MAST4: variants seen among roughly 807,000 people sequenced by gnomAD.
The protein encoded by MAST4 is microtubule-associated serine/threonine-protein kinase 4.
In MAST4, 89 loss-of-function variants were observed where a neutral mutation model predicts 162.7. The ratio of observed to expected loss-of-function variants is 0.55; its 90% CI spans 0.46 to 0.65. The LOEUF (loss-of-function observed/expected upper bound fraction) is 0.65. Among genes scored for constraint, MAST4 ranks in the 30% least tolerant of loss-of-function variants. The pLI, the probability that MAST4 is intolerant of heterozygous loss-of-function variation, is 0.00. For synonymous variants in MAST4, 1,479 were observed against 1,361.1 expected, an observed-to-expected ratio of 1.09 and a Z score of -1.91; for missense variants, 3,153 against 3,374.0, an observed-to-expected ratio of 0.93 and a Z score of 1.62.
intron 1 of MAST4, among the ~76,000 whole-genome samples, chr5:66,641,534 T>C (rs1367541602): frequency 6.6e-6 from 1 of 152,206 alleles, no homozygotes; most frequent in African/African-American, 2.4e-5. Context: ...CCAGTGGCAG[T>C]GAGCATCCCT....
At chr5:66,808,885 T>A (rs1169104739) in intron 3 of MAST4, among the ~76,000 whole-genome samples, 1 of 152,174 alleles carries the variant, frequency 6.6e-6, no homozygotes, top group East Asian at 1.9e-4. Flanking sequence ...ACCAGCCTTT[T>A]CCCTGCCTTC....
rs536617613 is a variant in MAST4 at position 66,955,490 on chromosome 5, T to C, written c.674+55508T>C. Among the ~76,000 whole-genome samples, 9 of 152,232 alleles carry C rather than the reference T, an allele frequency of 5.9e-5. No individual in the cohort carries two copies. In the South Asian group the frequency reaches 1.5e-3, roughly 25 times the overall value. ...AGCTTTAGAGGCCTGGTGAGACTCT[T>C]CTTCAATTTTTTATAAGACAAAATT... On this transcript the variant is annotated intron_variant, in intron 4 of 28. Transcript: ENST00000403625.
At chr5:66,815,540 A>G (rs929208477) in intron 3 of MAST4, among the ~76,000 whole-genome samples, 31 of 152,226 alleles carry the variant, frequency 2.0e-4, no homozygotes, top group African/African-American at 7.5e-4. Context: ...GGCATTCACC[A>G]GGCATCCTGG....
intron 2 of MAST4, among the ~76,000 whole-genome samples, chr5:66,780,964 C>T (rs1259218124): frequency 6.6e-6 from 1 of 152,258 alleles, no homozygotes; most frequent in Non-Finnish European, 1.5e-5. Context: ...CCTCTCAATA[C>T]AATATCTCAC....
intron 1 of MAST4, among the ~76,000 whole-genome samples, chr5:66,623,434 T>C (rs1744205363): frequency 6.6e-6 from 1 of 152,190 alleles, no homozygotes; most frequent in Non-Finnish European, 1.5e-5. Context: ...ATTTTAAGGA[T>C]CATACATCAT....
intron 14 of MAST4, among the ~76,000 whole-genome samples, chr5:67,121,634 G>A (rs543651544): frequency 1.3e-5 from 2 of 150,654 alleles, no homozygotes; most frequent in East Asian, 2.0e-4. Context: ...ACTGTCTCGG[G>A]CCACACATAA....
intron 3 of MAST4, among the ~76,000 whole-genome samples, chr5:66,863,512 T>C: frequency 6.6e-6 from 1 of 152,088 alleles, no homozygotes; most frequent in East Asian, 1.9e-4. Context: ...TCCTCCTTGT[T>C]TCCCTCTCTC....
intron 5 of MAST4, among the ~76,000 whole-genome samples, chr5:67,080,326 A>G (rs564855377): frequency 5.1e-4 from 78 of 152,298 alleles, no homozygotes; most frequent in African/African-American, 1.9e-3. Flanking sequence ...AGACCCTGTC[A>G]TGTTCTTTAA....
chr5:66,873,732 T>A (rs1761101059), intron 3 of MAST4, among the ~76,000 whole-genome samples: 1 of 152,166 alleles, frequency 6.6e-6, no homozygotes, highest in Admixed American at 6.5e-5. Flanking sequence ...AATTATGGAA[T>A]TGTTGCATTT....
At chr5:66,809,783 T>C (rs892528804) in intron 3 of MAST4, among the ~76,000 whole-genome samples, 2 of 152,204 alleles carry the variant, frequency 1.3e-5, no homozygotes, top group African/African-American at 4.8e-5. Flanking sequence ...GTCGCCAGGC[T>C]GGAGTGCAGT....
intron 4 of MAST4, among the ~76,000 whole-genome samples, chr5:66,941,026 C>T (rs1743304078): frequency 6.6e-6 from 1 of 152,048 alleles, no homozygotes; most frequent in Non-Finnish European, 1.5e-5. Context: ...ATCTTTTTTT[C>T]TGAGCACTAG....
intron 3 of MAST4, among the ~76,000 whole-genome samples, chr5:66,837,330 T>C (rs1758049096): frequency 6.6e-6 from 1 of 152,178 alleles, no homozygotes; most frequent in Admixed American, 6.5e-5. Flanking sequence ...AATGTTAATA[T>C]TCATTATATC....
At chr5:66,695,688 A>T (rs1047817831) in intron 1 of MAST4, among the ~76,000 whole-genome samples, 6 of 152,156 alleles carry the variant, frequency 3.9e-5, no homozygotes, top group African/African-American at 1.4e-4. Flanking sequence ...GTGATTTTAA[A>T]AAGTGAAGAA....
intron 3 of MAST4, among the ~76,000 whole-genome samples, chr5:66,847,914 G>A (rs1023241072): frequency 1.3e-5 from 2 of 151,656 alleles, no homozygotes; most frequent in Non-Finnish European, 2.9e-5. Flanking sequence ...AAATGGCAGT[G>A]CCGTGAAAGG....
chr5:67,162,817 G>A (rs373720949), intron 28 of MAST4, 29 bp downstream of exon 28: 1 of 1,594,804 alleles, frequency 6.3e-7, no homozygotes, highest in Non-Finnish European at 8.5e-7. Context: ...CTAAACAGCA[G>A]AGGGGAGGGG....
intron 4 of MAST4, among the ~76,000 whole-genome samples, chr5:66,952,093 T>G (rs1744776554): frequency 6.6e-6 from 1 of 152,032 alleles, no homozygotes; most frequent in South Asian, 2.1e-4. Flanking sequence ...TGAGAAGAGG[T>G]GTACAGGTGG....
At chr5:67,129,790 A>G (rs1327461386) in intron 14 of MAST4, among the ~76,000 whole-genome samples, 1 of 152,144 alleles carries the variant, frequency 6.6e-6, no homozygotes, top group Non-Finnish European at 1.5e-5. Context: ...AAAGTGTCTA[A>G]TATCTACTAT....
At chr5:66,736,966 A>C (rs1169607208) in intron 1 of MAST4, among the ~76,000 whole-genome samples, 1 of 152,248 alleles carries the variant, frequency 6.6e-6, no homozygotes, top group Non-Finnish European at 1.5e-5. Flanking sequence ...TATATAGTCC[A>C]TTCTGTAAAG....
chr5:67,019,242 C>T (rs1753682805), intron 4 of MAST4, among the ~76,000 whole-genome samples: 1 of 152,218 alleles, frequency 6.6e-6, no homozygotes, highest in African/African-American at 2.4e-5. Flanking sequence ...AATTAATGCG[C>T]AGCTGCACCC....
Sources: allele counts gnomAD v4.1 joint callset (sites outside exome capture counted in the v4.1 genomes callset), GRCh38; gene constraint gnomAD v4.1.1; transcripts MANE v1.5; gene names NCBI Gene and HGNC (gene_info 2026-07-23, HGNC 2026-07-21).